SCYL3: variants seen among roughly 807,000 people sequenced by gnomAD.
SCYL3 encodes the protein SCY1 like pseudokinase 3.
SCYL3 carries 35 observed loss-of-function variants against 73.8 expected under a neutral mutation model. The observed-to-expected ratio is 0.47, with a 90% CI of 0.36 to 0.63. The LOEUF (loss-of-function observed/expected upper bound fraction) is 0.63, where lower values mean the gene tolerates loss of function less well. Among genes scored for constraint, SCYL3 ranks in the 20% least tolerant of loss-of-function variants. The pLI is 0.00. For missense variants in SCYL3, 712 were observed against 798.9 expected (o/e 0.89, Z 1.31); for synonymous variants, 277 against 295.2 (o/e 0.94, Z 0.63).
rs375800195 is a variant in SCYL3, at chr1:169,888,726, C to A, written c.115G>T (p.Val39Phe). The A allele has an allele frequency of 3.9e-5, 63 of 1,613,938 alleles. No individual in the cohort carries two copies. Among genetic ancestry groups the A allele is most frequent in the Non-Finnish European group, 5.3e-5 (62 of 1,179,982 alleles). ...TCATTTTCTCTCTTATACACAAAAACTGAAGCAAATTTGCCATCTTGCAGT... is the reference window on the plus strand; with the variant it reads ...TCATTTTCTCTCTTATACACAAAAAATGAAGCAAATTTGCCATCTTGCAGT... ...AVLQDGKFAS[V>F]FVYKRENEDK... is the part of the protein sequence containing the mutation. The change falls in exon 2 of 13, where the codon GTT (valine) becomes TTT (phenylalanine). Residue 39 changes from valine (V) to phenylalanine (F), a missense_variant. Val to Phe is a conservative substitution (Grantham distance 50, BLOSUM62 -1). Transcript: ENST00000367771.
intron 5 of SCYL3, among the ~76,000 whole-genome samples, chr1:169,871,778 G>A (rs1211109990): frequency 2.0e-5 from 3 of 152,182 alleles, no homozygotes; most frequent in Non-Finnish European, 2.9e-5. Context: ...TGGGGCAAAG[G>A]TGACTCTTGT....
At position 169,854,516 on chromosome 1, in the gene SCYL3, T is replaced by C; in HGVS notation, c.1761A>G (p.Ser587=). The change falls in exon 12 of 13, where the codon TCA becomes TCG. Residue 587 remains serine, a synonymous_variant. Transcript: ENST00000367771. ...DADQIEPPKV[S]SQERPLKVPS... Reference sequence around the variant, plus strand: ...GAACCTTAAGGGGCCTTTCTTGTGATGACACTTTTGGCGGCTCGATTTGGT... The same window carrying C: ...GAACCTTAAGGGGCCTTTCTTGTGACGACACTTTTGGCGGCTCGATTTGGT... 6.2e-7 allele frequency: 1 copy of C among 1,614,098 alleles called. No individual in the cohort carries two copies. The highest frequency in any genetic ancestry group is 1.1e-5 in the South Asian group (1 of 91,082).
intron 1 of SCYL3, among the ~76,000 whole-genome samples, chr1:169,890,843 T>C (rs1407446410): frequency 6.6e-6 from 1 of 152,240 alleles, no homozygotes; most frequent in Non-Finnish European, 1.5e-5. Flanking sequence ...ACCTTTCTAC[T>C]GGGACTACAA....
chr1:169,869,977 C>T (rs568952444), intron 6 of SCYL3, among the ~76,000 whole-genome samples: 37 of 152,088 alleles, frequency 2.4e-4, no homozygotes, highest in Admixed American at 2.0e-3. Context: ...ACATTTAGAC[C>T]GCTTAAGTAC....
chr1:169,884,546 C>T (rs1193642073), intron 2 of SCYL3, among the ~76,000 whole-genome samples: 1 of 152,198 alleles, frequency 6.6e-6, no homozygotes, highest in African/African-American at 2.4e-5. Flanking sequence ...GATCCACCTA[C>T]CTCGGCCTCC....
chr1:169,872,974 T>C (rs565452919), intron 5 of SCYL3, among the ~76,000 whole-genome samples: 2 of 152,116 alleles, frequency 1.3e-5, no homozygotes, highest in Non-Finnish European at 2.9e-5. Context: ...CTATGGACTT[T>C]TGAGTTAATG....
chr1:169,869,081 T>C, intron 6 of SCYL3, 42 bp from the exon 7 acceptor site: 1 of 1,503,406 alleles, frequency 6.7e-7, no homozygotes, highest in Non-Finnish European at 9.2e-7. Context: ...GCCTTCTCCC[T>C]CTTTTCAGGA....
chr1:169,852,537 T>G lies in SCYL3; in HGVS notation c.*1176A>C, dbSNP rs1658516368. On this transcript the variant is annotated 3_prime_UTR_variant, in exon 13 of 13. Coordinates refer to ENST00000367771, the MANE Select transcript of SCYL3 (RefSeq NM_020423.7). ...ATGCAGCACTTCTCATTGGGAGCCC[T>G]TTGGGACAGGATACTTGTTGTATAC... 4 of 492,712 alleles carry G rather than the reference T, an allele frequency of 8.1e-6. No individual in the cohort carries two copies. Among genetic ancestry groups the G allele is most frequent in the Non-Finnish European group, 1.1e-5 (3 of 277,448 alleles). The allele number at this position is 492,712 out of a possible 1,614,324, so 30.5% of individuals were successfully genotyped here.
In SCYL3 at chr1:169,852,772, C is replaced by T. The variant is rs201330447; in HGVS notation, c.*941G>A. The T allele has an allele frequency of 8.1e-6, 13 of 1,611,790 alleles. No individual in the cohort carries two copies. The African/African-American group carries it at 1.7e-4, about 22-fold the overall frequency. On this transcript the variant is annotated 3_prime_UTR_variant, in exon 13 of 13. Transcript: ENST00000367771. ...ATTTAGAATGGATATTGTGATATTA[C>T]TTATGTTTTTTTTCCAGCCTTATGC...
chr1:169,855,239 T>G (rs1265980787), intron 11 of SCYL3, among the ~76,000 whole-genome samples: 1 of 152,244 alleles, frequency 6.6e-6, no homozygotes, highest in African/African-American at 2.4e-5. Flanking sequence ...AAACATACAG[T>G]ATATTCACAT....
intron 7 of SCYL3, 37 bp downstream of exon 7, chr1:169,868,891 C>T (rs1467230333): frequency 4.0e-6 from 6 of 1,487,554 alleles, no homozygotes; most frequent in Admixed American, 1.7e-5. Flanking sequence ...AGCAGTGTTC[C>T]GGAAGCAGCT....
In SCYL3 at chr1:169,851,833, A is replaced by G; in HGVS notation, c.*1880T>C. On this transcript the variant is annotated 3_prime_UTR_variant, in exon 13 of 13. Coordinates refer to ENST00000367771, the MANE Select transcript of SCYL3 (RefSeq NM_020423.7). ...CCCTGGCAGACTGGGTTTGTAGATG[A>G]AACTGAAGCTGCCAAAGTGGAACGT... is the stretch of plus-strand genomic sequence containing the variant. 6.2e-7 allele frequency: 1 copy of G among 1,613,984 alleles called. No homozygotes were observed. The highest frequency in any genetic ancestry group is 8.5e-7 in the Non-Finnish European group (1 of 1,179,930).
chr1:169,854,227 A>G, intron 12 of SCYL3, 43 bp downstream of exon 12: 1 of 1,450,304 alleles, frequency 6.9e-7, no homozygotes, highest in Non-Finnish European at 9.3e-7. Flanking sequence ...TATGAGGGAA[A>G]TCCTAAAGCT....
At position 169,859,210 on chromosome 1, in the gene SCYL3, A is replaced by C. The variant is rs1462153004; in HGVS notation, c.1143T>G (p.Val381=). ...EQLKKVILPQ[V]LLGLRDTSDS... ...CGCTAGTATCACGCAGGCCCAGCAA[A>C]ACCTAGGAGCAAATGAGGTAATAAG... The change falls in exon 11 of 13, where the codon GTT becomes GTG. Residue 381 remains valine (V), a splice_region_variant and synonymous_variant. Transcript: ENST00000367771. The C allele has an allele frequency of 4.4e-6, 7 of 1,608,504 alleles. No homozygotes were observed. The highest frequency in any genetic ancestry group is 1.7e-4 in the Middle Eastern group (1 of 6,058).
In SCYL3 at chr1:169,849,909, A is replaced by G. The variant is rs1224982978; in HGVS notation, c.*3804T>C. On this transcript the variant is annotated 3_prime_UTR_variant, in exon 13 of 13. Coordinates refer to ENST00000367771, the MANE Select transcript of SCYL3 (RefSeq NM_020423.7). ...GTATTTTTGGGTCAAATGATAATAC[A>G]TTTCATTTTGTGCTATCAGTCATAA... is the stretch of plus-strand genomic sequence containing the variant. 8 of 462,968 alleles carry G rather than the reference A, an allele frequency of 1.7e-5. No homozygotes were observed. In the Admixed American group the frequency reaches 3.0e-4, roughly 17 times the overall value. 28.7% of individuals were successfully genotyped at this position (462,968 alleles called of 1,614,324 possible).
chr1:169,873,081 T>A (rs1386675252), intron 5 of SCYL3, among the ~76,000 whole-genome samples: 2 of 152,094 alleles, frequency 1.3e-5, no homozygotes, highest in African/African-American at 4.8e-5. Flanking sequence ...GGAGGAATGA[T>A]GTGGTTTGGC....
At chr1:169,859,261 T>C in intron 10 of SCYL3, 49 bp from the exon 11 acceptor site, 2 of 1,533,558 alleles carry the variant, frequency 1.3e-6, no homozygotes, top group Non-Finnish European at 1.8e-6. Flanking sequence ...TACCTATCTC[T>C]TTCTTCCCCT....
In SCYL3 at chr1:169,851,048, T is replaced by C. The variant is rs1186679805; in HGVS notation, c.*2665A>G. The C allele has an allele frequency of 3.2e-4, 16 of 49,286 alleles. 1 individual carries two copies. Among genetic ancestry groups the C allele is most frequent in the African/African-American group, 1.4e-3 (14 of 10,184 alleles). The allele number at this position is 49,286 out of a possible 1,614,324, so 3.1% of individuals were successfully genotyped here. Reference sequence around the variant, plus strand: ...AAGCCAGGGTAAGCTCAGGGCCCTTTTTTTTTTTTTTTTTTTTTTTTTTTT... The same window carrying C: ...AAGCCAGGGTAAGCTCAGGGCCCTTCTTTTTTTTTTTTTTTTTTTTTTTTT... On this transcript the variant is annotated 3_prime_UTR_variant, in exon 13 of 13. Transcript: ENST00000367771.
At position 169,883,131 on chromosome 1, in the gene SCYL3, A is replaced by G. The variant is rs191877885; in HGVS notation, c.166-4312T>C. Reference sequence around the variant, plus strand: ...CCACCAGAAGGAAGAAACTCCGAACATGAGAAGGAACAAACTCCAGACACG... The same window carrying G: ...CCACCAGAAGGAAGAAACTCCGAACGTGAGAAGGAACAAACTCCAGACACG... On this transcript the variant is annotated intron_variant, in intron 2 of 12. Transcript: ENST00000367771. 7.2e-4 allele frequency among the ~76,000 whole-genome samples: 110 copies of G among 152,194 alleles called. No individual in the cohort carries two copies. In the East Asian group the frequency reaches 0.018, roughly 25 times the overall value.
Sources: allele counts gnomAD v4.1 joint callset (sites outside exome capture counted in the v4.1 genomes callset), GRCh38; gene constraint gnomAD v4.1.1; transcripts MANE v1.5; gene names NCBI Gene and HGNC (gene_info 2026-07-23, HGNC 2026-07-21).